FRYL: variants seen among roughly 807,000 people sequenced by gnomAD.
FRYL encodes protein furry homolog-like.
FRYL carries 150 observed loss-of-function variants against 351.2 expected under a neutral mutation model. That is an observed-to-expected ratio of 0.43 (90% CI 0.37 to 0.49). FRYL has a LOEUF of 0.49. Ranked by LOEUF, FRYL falls within the 20% of genes least tolerant of loss-of-function variation. The probability of loss-of-function intolerance (pLI) is 0.00; values close to 1 mark genes in which losing one functional copy is unlikely to be tolerated. For synonymous variants in FRYL, 1,153 were observed against 1,257.1 expected, an observed-to-expected ratio of 0.92 and a Z score of 1.75; for missense variants, 3,036 against 3,619.3, an observed-to-expected ratio of 0.84 and a Z score of 4.13.
At chr4:48,739,130 G>T (rs931982303) in intron 1 of FRYL, among the ~76,000 whole-genome samples, 6 of 152,168 alleles carry the variant, frequency 3.9e-5, no homozygotes, top group African/African-American at 1.4e-4. Context: ...GCTGGGCACG[G>T]TGGCTCATGA....
At chr4:48,537,071 C>T (rs1314778128) in intron 47 of FRYL, among the ~76,000 whole-genome samples, 1 of 152,090 alleles carries the variant, frequency 6.6e-6, no homozygotes, top group East Asian at 1.9e-4. Flanking sequence ...GTTGGTATCT[C>T]TTATTTGCAT....
chr4:48,653,154 T>C (rs146481301), intron 3 of FRYL, among the ~76,000 whole-genome samples: 70 of 152,334 alleles, frequency 4.6e-4, no homozygotes, highest in African/African-American at 1.6e-3. Context: ...ATCAGTTGTA[T>C]TGACTTAACT....
At position 48,510,893 on chromosome 4, in the gene FRYL, GA is replaced by G; in HGVS notation, c.8236del (p.Ser2746ProfsTer4). The G allele has an allele frequency of 6.2e-7, 1 of 1,612,924 alleles. No homozygotes were observed. Among genetic ancestry groups the G allele is most frequent in the Non-Finnish European group, 8.5e-7 (1 of 1,179,294 alleles). On this transcript the variant is annotated frameshift_variant, in exon 58 of 64. Coordinates refer to ENST00000358350, the MANE Select transcript of FRYL (RefSeq NM_015030.2). LOFTEE classifies it high-confidence loss of function. ...LQRIGTKFKS[S>X]LEVMMLCSEC... ...TGAACACAGCATCATCACTTCCAAG[GA>G]ACTTTTAAATTTGGTACCAATGCGT...
chr4:48,715,172 A>C (rs1768628059), intron 1 of FRYL, among the ~76,000 whole-genome samples: 1 of 151,876 alleles, frequency 6.6e-6, no homozygotes, highest in Non-Finnish European at 1.5e-5. Flanking sequence ...TATCATACTG[A>C]ATGGGCAAAA....
At position 48,554,586 on chromosome 4, in the gene FRYL, G is replaced by A. The variant is rs534300082; in HGVS notation, c.4267-1203C>T. ...ACTCCTGACCTCAGGTGATCCTCCT[G>A]CCTTGGCCTCCCAAAGTGCTGGGAT... On this transcript the variant is annotated intron_variant, in intron 35 of 63. Transcript: ENST00000358350. 3.3e-4 allele frequency among the ~76,000 whole-genome samples: 50 copies of A among 152,310 alleles called. No individual in the cohort carries two copies. In the South Asian group the frequency reaches 9.3e-3, roughly 28 times the overall value.
chr4:48,565,085 A>C, intron 29 of FRYL, 42 bp from the exon 30 acceptor site: 1 of 1,178,220 alleles, frequency 8.5e-7, no homozygotes, highest in Non-Finnish European at 1.2e-6. Context: ...CAAATTTAAG[A>C]GGTTAAATGT....
At chr4:48,713,052 C>T (rs568425595) in intron 1 of FRYL, among the ~76,000 whole-genome samples, 5 of 152,022 alleles carry the variant, frequency 3.3e-5, no homozygotes, top group Admixed American at 6.6e-5. Flanking sequence ...CACCACCAGG[C>T]CTGCCCTAGA....
rs1578569789 is a variant in FRYL at position 48,657,678 on chromosome 4, A to G, written c.-80-23188T>C. 2.0e-5 allele frequency among the ~76,000 whole-genome samples: 3 copies of G among 152,296 alleles called. No individual in the cohort carries two copies. In the South Asian group the frequency reaches 6.2e-4, roughly 32 times the overall value. On this transcript the variant is annotated intron_variant, in intron 3 of 63. Transcript: ENST00000358350. ...TGGCATATCCTTGGCAAAGCAGAAA[A>G]ATCTAATTTGGATAATTTCCTTCAA...
chr4:48,582,109 T>C (rs1218675751), intron 20 of FRYL, among the ~76,000 whole-genome samples: 1 of 152,226 alleles, frequency 6.6e-6, no homozygotes, highest in East Asian at 1.9e-4. Context: ...GAGCATCTTT[T>C]ATGGTTAAGG....
chr4:48,659,424 AGAAGAGGAAGAG>A lies in FRYL; in HGVS notation c.-80-24946_-80-24935del, dbSNP rs1248046193. On this transcript the variant is annotated intron_variant, in intron 3 of 63. Transcript: ENST00000358350. ...GAGAAGGAGAAGGAGAAGGAGAAGG[AGAAGAGGAAGAG>A]GAAGAGGAAGAGGAAGAGGGAGAAG... is the stretch of plus-strand genomic sequence containing the variant. 6.8e-4 allele frequency among the ~76,000 whole-genome samples: 2 copies of A among 2,938 alleles called. 1 individual carries two copies. The highest frequency in any genetic ancestry group is 7.1e-4 in the African/African-American group (2 of 2,816). 1.9% of individuals were successfully genotyped at this position (2,938 alleles called of 152,430 possible). A position where few individuals can be genotyped will look rare whatever the true frequency, so the allele number is the denominator to read the frequency against.
intron 3 of FRYL, among the ~76,000 whole-genome samples, chr4:48,636,300 G>C (rs181540068): frequency 1.6e-3 from 244 of 152,172 alleles, no homozygotes; most frequent in Non-Finnish European, 3.1e-3. Context: ...GGAACATTAA[G>C]AGTACCATAA....
chr4:48,571,557 G>T, intron 26 of FRYL: 1 of 633,658 alleles, frequency 1.6e-6, no homozygotes, highest in Non-Finnish European at 2.0e-6. Context: ...TTTCATTTGT[G>T]ATGTAATTTT....
At chr4:48,617,398 G>C (rs1238800642) in intron 7 of FRYL, among the ~76,000 whole-genome samples, 2 of 150,814 alleles carry the variant, frequency 1.3e-5, no homozygotes, top group African/African-American at 4.9e-5. Context: ...ACCCAGGCTG[G>C]AGTACAGTGG....
chr4:48,684,026 A>C (rs1422111798), intron 3 of FRYL, among the ~76,000 whole-genome samples: 2 of 152,140 alleles, frequency 1.3e-5, no homozygotes, highest in African/African-American at 4.8e-5. Flanking sequence ...ATGCAAGACA[A>C]CCATTTGTGT....
intron 49 of FRYL, among the ~76,000 whole-genome samples, chr4:48,532,034 T>C (rs1197427412): frequency 6.6e-6 from 1 of 152,194 alleles, no homozygotes; most frequent in African/African-American, 2.4e-5. Context: ...GATGTATATG[T>C]AGAGAACAGT....
chr4:48,592,114 A>ATATT, intron 16 of FRYL, among the ~76,000 whole-genome samples: 1 of 136,954 alleles, frequency 7.3e-6, no homozygotes, highest in African/African-American at 2.9e-5. Context: ...ATATATATAT[A>ATATT]TTTTATCTAA....
chr4:48,715,969 C>T lies in FRYL; in HGVS notation c.-383-5271G>A, dbSNP rs1205517867. ...AGAACAGAGCCCTCAGAAATAATGC[C>T]GCATATCTACAACTATCTGATCTTT... On this transcript the variant is annotated intron_variant, in intron 1 of 63. Transcript: ENST00000358350. Among the ~76,000 whole-genome samples, 596 of 151,862 alleles carry T rather than the reference C, an allele frequency of 3.9e-3. 6 individuals carry two copies. The highest frequency in any genetic ancestry group is 0.014 in the African/African-American group (563 of 41,440).
chr4:48,660,175 TG>T (rs1315133235), intron 3 of FRYL, among the ~76,000 whole-genome samples: 3 of 152,078 alleles, frequency 2.0e-5, no homozygotes, highest in African/African-American at 7.2e-5. Context: ...GAGCTCTTAA[TG>T]GTCAAAGCTG....
chr4:48,755,527 C>A (rs1245909450), intron 1 of FRYL, among the ~76,000 whole-genome samples: 1 of 152,098 alleles, frequency 6.6e-6, no homozygotes, highest in African/African-American at 2.4e-5. Context: ...TGACATTATC[C>A]CCCTTGTCAG....
Sources: allele counts gnomAD v4.1 joint callset (sites outside exome capture counted in the v4.1 genomes callset), GRCh38; gene constraint gnomAD v4.1.1; transcripts MANE v1.5; gene names NCBI Gene and HGNC (gene_info 2026-07-23, HGNC 2026-07-21).